Variants in NBPF4 observed in about 807,000 individuals in gnomAD.
NBPF4 encodes NBPF member 4, also known as NBPF family member NBPF4.
Under a neutral mutation model 21.1 loss-of-function variants are expected in NBPF4, and 11 were observed. The ratio of observed to expected loss-of-function variants is 0.52; its 90% CI spans 0.33 to 0.86. NBPF4 has a LOEUF of 0.86. NBPF4 is among the 40% of genes least tolerant of loss of function. The pLI, the probability that NBPF4 is intolerant of heterozygous loss-of-function variation, is 0.03. For synonymous variants in NBPF4, 47 were observed against 106.4 expected (o/e 0.44, Z 3.43); for missense variants, 88 against 265.3 (o/e 0.33, Z 4.64).
Position 108,229,042 on chromosome 1 carries a change from C to A in NBPF4, c.1538G>T (p.Cys513Phe), listed in dbSNP as rs376298071. 2.3e-4 allele frequency: 349 copies of A among 1,550,678 alleles called. No individual in the cohort carries two copies. The East Asian group carries it at 4.2e-3, about 18-fold the overall frequency. ...CCCTTGATCCAGCTGTAGTCGCAGA[C>A]AACTGGGCACCAGGGTGCTTGGTTC... ...QLEPSTLVPS[C>F]LRLQLDQGFH... The change falls in exon 13 of 15, where the codon TGT (cysteine) becomes TTT (phenylalanine). Residue 513 changes from cysteine to phenylalanine, a missense_variant. Physicochemically the swap from Cys to Phe is radical, Grantham distance 205. Around this residue, in one of 4 missense-constraint regions of NBPF4, gnomAD observed 60 missense variants for 86.5 expected, o/e 0.69. Coordinates refer to ENST00000415641, the MANE Select transcript of NBPF4 (RefSeq NM_001143989.3).
intron 13 of NBPF4, among the ~76,000 whole-genome samples, chr1:108,228,533 A>C (rs1649546174): frequency 6.6e-6 from 1 of 151,920 alleles, no homozygotes; most frequent in Admixed American, 6.6e-5. Flanking sequence ...TCACTTGCTA[A>C]GTGTAAATTT....
At chr1:108,253,934 T>C in the NBPF4 span, among the ~76,000 whole-genome samples, 1 of 29,088 alleles carries the variant, frequency 3.4e-5, no homozygotes, top group African/African-American at 1.5e-4. Flanking sequence ...GATTGAGTTC[T>C]ATGAGTTCCT....
At chr1:108,244,901 G>GATATATATATATAT (rs1173565670), upstream of NBPF4, among the ~76,000 whole-genome samples, 10 of 12,442 alleles carry the variant, frequency 8.0e-4, no homozygotes, top group Non-Finnish European at 1.2e-3. Context: ...TATTGTTGGA[G>GATATATATATATAT]ATATATATAT....
rs1649361421 is a variant in NBPF4, at chr1:108,223,141, T to G, written c.*564A>C. Among the ~76,000 whole-genome samples, 1 of 152,222 alleles carries G rather than the reference T, an allele frequency of 6.6e-6. No homozygotes were observed. Among genetic ancestry groups the G allele is most frequent in the Non-Finnish European group, 1.5e-5 (1 of 68,048 alleles). Reference sequence around the variant, plus strand: ...ACAACAAAAAGATGAGGAGATGTTTTGGGTTCAAAATGACTAAAAAAGCAT... The same window carrying G: ...ACAACAAAAAGATGAGGAGATGTTTGGGGTTCAAAATGACTAAAAAAGCAT... On this transcript the variant is annotated 3_prime_UTR_variant, in exon 15 of 15. Transcript: ENST00000415641.
At position 108,223,708 on chromosome 1, in the gene NBPF4, T is replaced by C; in HGVS notation, c.1914A>G (p.Gly638=). Residue 638 remains glycine, a synonymous_variant, in exon 15 of 15, where the codon GGA becomes GGG. Coordinates refer to ENST00000415641, the MANE Select transcript of NBPF4 (RefSeq NM_001143989.3). ...NTAGRTQRMA[G] ...AGCTGCTTTTTGTGACATTCTTTCA[T>C]CCTGCCATCCTTTGCGTCCTTCCAG... 1 of 1,569,364 alleles carries C rather than the reference T, an allele frequency of 6.4e-7. No individual in the cohort carries two copies. Among genetic ancestry groups the C allele is most frequent in the Non-Finnish European group, 8.6e-7 (1 of 1,156,930 alleles).
chr1:108,264,140 C>CAT, the NBPF4 span, among the ~76,000 whole-genome samples: 2 of 144,768 alleles, frequency 1.4e-5, no homozygotes, highest in Non-Finnish European at 3.0e-5. Flanking sequence ...ATTCAAGAGA[C>CAT]ATATCTCATG....
chr1:108,259,682 G>A, the NBPF4 span, among the ~76,000 whole-genome samples: 12 of 147,308 alleles, frequency 8.1e-5, 1 homozygote, highest in Non-Finnish European at 4.5e-5. Context: ...AGATGAGCCT[G>A]GACAACACAG....
At chr1:108,234,831 AGT>A (rs1649663159) in intron 9 of NBPF4, among the ~76,000 whole-genome samples, 1 of 103,852 alleles carries the variant, frequency 9.6e-6, no homozygotes, top group Non-Finnish European at 1.9e-5. Context: ...CATGGCATCA[AGT>A]CCTCTTTCTC....
the NBPF4 span, among the ~76,000 whole-genome samples, chr1:108,264,796 G>C: frequency 5.6e-5 from 5 of 88,596 alleles, no homozygotes; most frequent in African/African-American, 2.1e-4. Context: ...TGACTCCTGG[G>C]TATATAATGA....
chr1:108,223,468 C>T lies in NBPF4; in HGVS notation c.*237G>A. ...ATTGAGAAACAGGGCTAACGCCGGT[C>T]AATGCTATTTGTCCATCTGGGCATT... On this transcript the variant is annotated 3_prime_UTR_variant, in exon 15 of 15. Coordinates refer to ENST00000415641, the MANE Select transcript of NBPF4 (RefSeq NM_001143989.3). 1.9e-6 allele frequency: 1 copy of T among 524,866 alleles called. No individual in the cohort carries two copies. The highest frequency in any genetic ancestry group is 2.5e-5 in the South Asian group (1 of 40,306). 32.5% of individuals were successfully genotyped at this position (524,866 alleles called of 1,614,324 possible).
At chr1:108,266,203 T>C in the NBPF4 span, among the ~76,000 whole-genome samples, 177 of 143,328 alleles carry the variant, frequency 1.2e-3, no homozygotes, top group South Asian at 4.9e-3. Flanking sequence ...CTAATAAAGA[T>C]GAAAAGAGAG....
chr1:108,223,713 C>T lies in NBPF4; in HGVS notation c.1909G>A (p.Ala637Thr), dbSNP rs2487142. 9.0e-4 allele frequency: 1,403 copies of T among 1,564,104 alleles called. 1 individual carries two copies. The highest frequency in any genetic ancestry group is 1.1e-3 in the Non-Finnish European group (1,224 of 1,153,472). The change falls in exon 15 of 15, where the codon GCA becomes ACA. Residue 637 changes from alanine (A) to threonine (T), a missense_variant. Physicochemically the swap from Ala to Thr is moderately conservative, Grantham distance 58 (BLOSUM62 0). This residue lies in a region of NBPF4 where 17 missense variants were observed against 20.7 expected (regional missense o/e 0.82). Coordinates refer to ENST00000415641, the MANE Select transcript of NBPF4 (RefSeq NM_001143989.3). ...PNTAGRTQRM[A>T]G ...CTTTTTGTGACATTCTTTCATCCTG[C>T]CATCCTTTGCGTCCTTCCAGCAGTA...
the NBPF4 span, among the ~76,000 whole-genome samples, chr1:108,256,511 C>T: frequency 9.2e-6 from 1 of 109,142 alleles, no homozygotes. Context: ...TCTTTTTTCT[C>T]CCTTTCTCTT....
At chr1:108,257,762 C>CTTTTTTTTTTTTTTTTTTT in the NBPF4 span, among the ~76,000 whole-genome samples, 82 of 54,754 alleles carry the variant, frequency 1.5e-3, no homozygotes, top group Non-Finnish European at 2.1e-3. Context: ...CTTTTCTTTT[C>CTTTTTTTTTTTTTTTTTTT]TTTTTTTTTT....
rs1047440551 is a variant in NBPF4, at chr1:108,222,708, T to C, written c.*997A>G. On this transcript the variant is annotated 3_prime_UTR_variant, in exon 15 of 15. Transcript: ENST00000415641. ...GGTAAGATTTTGAGATAGACAATTT[T>C]CAATGTACAAACTTAAATATAATAA... 3.3e-5 allele frequency among the ~76,000 whole-genome samples: 5 copies of C among 152,188 alleles called. No homozygotes were observed. The highest frequency in any genetic ancestry group is 7.3e-5 in the Non-Finnish European group (5 of 68,038).
Position 108,223,589 on chromosome 1 carries a change from T to G in NBPF4, c.*116A>C. ...GCTTGAAGTCATCAAGAGTATTCTGTGTCTGAAATTCAATCCTCAGTGAAG... is the reference window on the plus strand; with the variant it reads ...GCTTGAAGTCATCAAGAGTATTCTGGGTCTGAAATTCAATCCTCAGTGAAG... On this transcript the variant is annotated 3_prime_UTR_variant, in exon 15 of 15. Transcript: ENST00000415641. The G allele has an allele frequency of 1.1e-6, 1 of 872,428 alleles. No individual in the cohort carries two copies. The highest frequency in any genetic ancestry group is 2.3e-4 in the Middle Eastern group (1 of 4,416). 54.0% of individuals were successfully genotyped at this position (872,428 alleles called of 1,614,324 possible).
intron 13 of NBPF4, among the ~76,000 whole-genome samples, chr1:108,228,640 T>C (rs1649549373): frequency 6.6e-6 from 1 of 151,864 alleles, no homozygotes; most frequent in Admixed American, 6.6e-5. Context: ...TGCAGGTAGA[T>C]ATTATTCTTC....
the NBPF4 span, among the ~76,000 whole-genome samples, chr1:108,258,567 T>C: frequency 7.2e-6 from 1 of 139,822 alleles, no homozygotes; most frequent in African/African-American, 2.8e-5. Context: ...ATTTACCAGG[T>C]GAAAAGAATC....
the NBPF4 span, among the ~76,000 whole-genome samples, chr1:108,264,060 CT>C: frequency 9.6e-6 from 1 of 104,620 alleles, no homozygotes; most frequent in Non-Finnish European, 1.8e-5. Context: ...TGTAAATGAG[CT>C]AAATGCCCCC....
Sources: gnomAD v4.1 joint callset for allele counts (sites outside exome capture counted in the v4.1 genomes callset) on GRCh38, gnomAD v4.1.1 for gene constraint, gnomAD v4.1.1 regional missense constraint, MANE v1.5 for transcripts, NCBI Gene and HGNC (gene_info 2026-07-23, HGNC 2026-07-21) for gene names.